MED27: variants seen among roughly 807,000 people sequenced by gnomAD.
The protein encoded by MED27 is mediator complex subunit 27.
A neutral mutation model predicts 38.2 loss-of-function variants in MED27; 30 were observed. The observed-to-expected ratio is 0.79, with a 90% CI of 0.59 to 1.07. The LOEUF is 1.07. Ranked by LOEUF, MED27 falls within the 50% of genes least tolerant of loss-of-function variation. The probability of loss-of-function intolerance (pLI) is 0.00; values close to 1 mark genes in which losing one functional copy is unlikely to be tolerated. For missense variants in MED27, 289 were observed against 397.5 expected (o/e 0.73, Z 2.32); for synonymous variants, 122 against 153.5 (o/e 0.79, Z 1.52).
intron 2 of MED27, among the ~76,000 whole-genome samples, chr9:132,050,615 T>C (rs759931054): frequency 3.6e-4 from 55 of 152,318 alleles, no homozygotes; most frequent in South Asian, 6.2e-4. Flanking sequence ...TACTAACAGC[T>C]TCAACTGCAG....
In MED27 at chr9:132,066,875, A is replaced by T. The variant is rs181938826; in HGVS notation, c.348+10567T>A. On this transcript the variant is annotated intron_variant, in intron 2 of 7. Coordinates refer to ENST00000292035, the MANE Select transcript of MED27 (RefSeq NM_004269.4). Reference sequence around the variant, plus strand: ...AAATGAAAAAAATAATAAAAATAAAAATAAAAGCACATAGCAGCCAAAGAA... The same window carrying T: ...AAATGAAAAAAATAATAAAAATAAATATAAAAGCACATAGCAGCCAAAGAA... Among the ~76,000 whole-genome samples, 176 of 152,302 alleles carry T rather than the reference A, an allele frequency of 1.2e-3. 5 individuals are homozygous for T. The highest frequency in any genetic ancestry group is 0.011 in the Admixed American group (174 of 15,306).
At chr9:132,069,285 C>T (rs960825030) in intron 2 of MED27, among the ~76,000 whole-genome samples, 13 of 151,710 alleles carry the variant, frequency 8.6e-5, no homozygotes, top group Admixed American at 8.5e-4. Flanking sequence ...GCCAGTGAGG[C>T]TTCCAAAGAC....
At chr9:131,987,087 T>C (rs1831869282) in intron 3 of MED27, among the ~76,000 whole-genome samples, 1 of 141,818 alleles carries the variant, frequency 7.1e-6, no homozygotes, top group Non-Finnish European at 1.5e-5. Flanking sequence ...TGGGTCAAAC[T>C]TTCCCCCAAA....
intron 2 of MED27, among the ~76,000 whole-genome samples, chr9:132,072,557 G>A (rs937310723): frequency 2.0e-5 from 3 of 152,064 alleles, no homozygotes; most frequent in Non-Finnish European, 4.4e-5. Flanking sequence ...ACGGTATCCA[G>A]GGTTTGCAGG....
chr9:131,899,367 G>C (rs1420963849), intron 4 of MED27, among the ~76,000 whole-genome samples: 1 of 152,244 alleles, frequency 6.6e-6, no homozygotes, highest in Non-Finnish European at 1.5e-5. Context: ...CCACTGAGCA[G>C]AAAGTGCCTG....
chr9:131,908,374 T>C (rs1181701318), intron 4 of MED27, among the ~76,000 whole-genome samples: 2 of 151,968 alleles, frequency 1.3e-5, no homozygotes, highest in Non-Finnish European at 2.9e-5. Context: ...GTCTGGGAGG[T>C]GTACCCAACA....
chr9:131,957,388 G>A (rs1831127098), intron 3 of MED27, among the ~76,000 whole-genome samples: 4 of 152,026 alleles, frequency 2.6e-5, no homozygotes, highest in Admixed American at 2.6e-4. Flanking sequence ...CTGAGTAGCT[G>A]GGACTACAGG....
intron 2 of MED27, among the ~76,000 whole-genome samples, 189 bp downstream of exon 2, chr9:132,077,253 T>G (rs1834071909): frequency 6.6e-6 from 1 of 152,336 alleles, no homozygotes; most frequent in South Asian, 2.1e-4. Context: ...CTGAACATCA[T>G]GAATCCCCAA....
intron 4 of MED27, 83 bp downstream of exon 4, chr9:131,939,298 T>A: frequency 1.3e-6 from 1 of 770,888 alleles, no homozygotes; most frequent in Non-Finnish European, 2.0e-6. Context: ...ATTCTCTAGA[T>A]CCTACAACAC....
At chr9:132,029,862 C>T (rs1452251630) in intron 2 of MED27, among the ~76,000 whole-genome samples, 2 of 95,896 alleles carry the variant, frequency 2.1e-5, no homozygotes, top group South Asian at 3.9e-4. Context: ...AAAAAAGTGT[C>T]GGTGTGTGTG....
chr9:132,043,749 T>C (rs1833272063), intron 2 of MED27, among the ~76,000 whole-genome samples: 1 of 152,054 alleles, frequency 6.6e-6, no homozygotes, highest in African/African-American at 2.4e-5. Context: ...GAACCAAAGC[T>C]CTACAGTATA....
intron 3 of MED27, among the ~76,000 whole-genome samples, chr9:131,974,849 T>C (rs1831569726): frequency 6.6e-6 from 1 of 152,250 alleles, no homozygotes; most frequent in African/African-American, 2.4e-5. Flanking sequence ...TTTCACCAGT[T>C]ACCTCATTTG....
At chr9:131,930,212 A>C (rs1170890804) in intron 4 of MED27, among the ~76,000 whole-genome samples, 11 of 152,230 alleles carry the variant, frequency 7.2e-5, no homozygotes. Context: ...ACATCAGATC[A>C]CTGTCCAAAA....
intron 6 of MED27, among the ~76,000 whole-genome samples, chr9:131,868,301 C>T (rs187769232): frequency 8.5e-5 from 13 of 152,294 alleles, no homozygotes; most frequent in African/African-American, 2.9e-4. Context: ...TCTTTTGAGA[C>T]AGGGTATTGC....
intron 6 of MED27, among the ~76,000 whole-genome samples, chr9:131,871,034 G>A (rs1426555492): frequency 6.6e-6 from 1 of 152,238 alleles, no homozygotes; most frequent in Non-Finnish European, 1.5e-5. Flanking sequence ...GAGAAAAGGT[G>A]CAGGGCGGGG....
At chr9:132,005,303 T>C (rs571951626) in intron 3 of MED27, among the ~76,000 whole-genome samples, 1 of 152,140 alleles carries the variant, frequency 6.6e-6, no homozygotes, top group Admixed American at 6.5e-5. Flanking sequence ...TCAAGGCAAA[T>C]GGAACAAAAA....
At chr9:132,065,566 T>C (rs1489333321) in intron 2 of MED27, among the ~76,000 whole-genome samples, 1 of 152,220 alleles carries the variant, frequency 6.6e-6, no homozygotes. Flanking sequence ...AAGATGCCAG[T>C]GAGTTGCTCA....
At chr9:131,936,075 A>T (rs1303056785) in intron 4 of MED27, among the ~76,000 whole-genome samples, 4 of 150,924 alleles carry the variant, frequency 2.7e-5, no homozygotes, top group African/African-American at 9.8e-5. Context: ...TGAGGCTGCA[A>T]TGAGCTGTGA....
intron 3 of MED27, among the ~76,000 whole-genome samples, chr9:131,962,706 T>C (rs1344829985): frequency 6.6e-6 from 1 of 152,244 alleles, no homozygotes; most frequent in African/African-American, 2.4e-5. Context: ...AGTTTGTGTT[T>C]AAAGTGGATG....
Sources: allele counts gnomAD v4.1 joint callset (sites outside exome capture counted in the v4.1 genomes callset), GRCh38; gene constraint gnomAD v4.1.1; transcripts MANE v1.5; gene names NCBI Gene and HGNC (gene_info 2026-07-23, HGNC 2026-07-21).